Variants in MPDZ observed in about 807,000 individuals in gnomAD.
MPDZ encodes the protein multiple PDZ domain protein.
In MPDZ, 234 loss-of-function variants were observed where a neutral mutation model predicts 239.1. The observed-to-expected ratio is 0.98, with a 90% CI of 0.88 to 1.09. The LOEUF is 1.09. Ranked by LOEUF, MPDZ falls within the 50% of genes least tolerant of loss-of-function variation. The probability of loss-of-function intolerance (pLI) is 0.00; values close to 1 mark genes in which losing one functional copy is unlikely to be tolerated. For missense variants in MPDZ, 3,175 were observed against 2,510.0 expected (o/e 1.26, Z -5.66); for synonymous variants, 1,048 against 881.3 (o/e 1.19, Z -3.35).
chr9:13,216,696 C>G, intron 10 of MPDZ, 78 bp downstream of exon 10: 2 of 1,118,666 alleles, frequency 1.8e-6, no homozygotes, highest in East Asian at 2.5e-5. Context: ...AACTCTAGCT[C>G]TCAAAACTAA....
intron 14 of MPDZ, among the ~76,000 whole-genome samples, 196 bp from the exon 15 acceptor site, chr9:13,192,491 T>C (rs988821271): frequency 6.6e-6 from 1 of 152,156 alleles, no homozygotes; most frequent in Non-Finnish European, 1.5e-5. Context: ...TTGGAGCTTC[T>C]AAAGCACTCA....
chr9:13,246,924 A>C (rs1966706485), intron 3 of MPDZ, among the ~76,000 whole-genome samples: 1 of 152,224 alleles, frequency 6.6e-6, no homozygotes, highest in Admixed American at 6.5e-5. Context: ...AAGCATAGAA[A>C]TGGTGATTAA....
At chr9:13,133,562 C>G (rs1401220672) in intron 32 of MPDZ, among the ~76,000 whole-genome samples, 1 of 152,076 alleles carries the variant, frequency 6.6e-6, no homozygotes, top group Admixed American at 6.6e-5. Flanking sequence ...CAAGCTGGAC[C>G]CCTGATAAAG....
intron 19 of MPDZ, among the ~76,000 whole-genome samples, chr9:13,179,117 T>C (rs1282634676): frequency 2.0e-5 from 3 of 152,132 alleles, no homozygotes; most frequent in Non-Finnish European, 1.5e-5. Flanking sequence ...GTACAAAGAA[T>C]TGAGGCAAGT....
In MPDZ at chr9:13,136,197, A is replaced by G. The variant is rs574873976; in HGVS notation, c.4293-15T>C. 6.5e-7 allele frequency: 1 copy of G among 1,547,156 alleles called. No individual in the cohort carries two copies. The highest frequency in any genetic ancestry group is 1.1e-5 in the South Asian group (1 of 88,496). The stretch of plus-strand genomic sequence containing the variant: ...CATCTTTATTTCTAAAAGCAAAAAA[A>G]CAACAACCTATTATAACATCATGGT... On this transcript the variant is annotated splice_polypyrimidine_tract_variant and intron_variant, in intron 30 of 46. Coordinates refer to ENST00000319217, the MANE Select transcript of MPDZ (RefSeq NM_001378778.1).
At chr9:13,195,353 A>G (rs945423997) in intron 13 of MPDZ, among the ~76,000 whole-genome samples, 2 of 152,020 alleles carry the variant, frequency 1.3e-5, no homozygotes, top group Non-Finnish European at 2.9e-5. Flanking sequence ...TACTAAGAAC[A>G]CTACTGCTTG....
rs890998271 is a variant in MPDZ, at chr9:13,271,221, A to C, written c.-58+8179T>G. ...TCCAACATTTAAATAAGGGCCTTTA[A>C]ATTTTCTATGTTATGTTTATCAAAA... On this transcript the variant is annotated intron_variant, in intron 1 of 46. Transcript: ENST00000319217. Among the ~76,000 whole-genome samples, 22 of 152,162 alleles carry C rather than the reference A, an allele frequency of 1.4e-4. 3 individuals are homozygous for C. The highest frequency in any genetic ancestry group is 1.2e-3 in the Admixed American group (19 of 15,278).
Position 13,126,497 on chromosome 9 carries a change from C to T in MPDZ, c.4632+19G>A. Reference sequence around the variant, plus strand: ...AAGGATGGGCCTACATTACCATTTACTTTATTTTGGAAAATTACCTTTTCA... The same window carrying T: ...AAGGATGGGCCTACATTACCATTTATTTTATTTTGGAAAATTACCTTTTCA... On this transcript the variant is annotated intron_variant, in intron 34 of 46. Transcript: ENST00000319217. 6.5e-7 allele frequency: 1 copy of T among 1,533,770 alleles called. No homozygotes were observed. The highest frequency in any genetic ancestry group is 1.2e-5 in the South Asian group (1 of 83,344).
intron 3 of MPDZ, among the ~76,000 whole-genome samples, chr9:13,225,708 T>C (rs1960360271): frequency 6.6e-6 from 1 of 152,180 alleles, no homozygotes; most frequent in Non-Finnish European, 1.5e-5. Context: ...CAATACCAAA[T>C]AGCCTAGCTG....
intron 3 of MPDZ, among the ~76,000 whole-genome samples, chr9:13,237,190 C>A (rs1409091033): frequency 6.6e-6 from 1 of 151,944 alleles, no homozygotes; most frequent in Non-Finnish European, 1.5e-5. Context: ...CGCCTGTAAT[C>A]CCAGCACTTT....
At chr9:13,112,267 G>A (rs1435093861) in intron 42 of MPDZ, 121 bp from the exon 43 acceptor site, 15 of 1,015,924 alleles carry the variant, frequency 1.5e-5, no homozygotes, top group Middle Eastern at 2.9e-4. Context: ...GGAAAATGAA[G>A]AAGTGCAAGA....
At chr9:13,231,511 G>C (rs1041494011) in intron 3 of MPDZ, among the ~76,000 whole-genome samples, 1 of 152,012 alleles carries the variant, frequency 6.6e-6, no homozygotes, top group South Asian at 2.1e-4. Context: ...AGGTTGCAGT[G>C]AGCCACTGTA....
chr9:13,250,080 T>C (rs1967529978), intron 2 of MPDZ, among the ~76,000 whole-genome samples: 2 of 152,218 alleles, frequency 1.3e-5, no homozygotes, highest in African/African-American at 2.4e-5. Context: ...TCTCATATGT[T>C]TTTAATTTTT....
At chr9:13,156,159 T>C (rs1415624867) in intron 24 of MPDZ, among the ~76,000 whole-genome samples, 1 of 152,172 alleles carries the variant, frequency 6.6e-6, no homozygotes, top group African/African-American at 2.4e-5. Flanking sequence ...TAGATGACAC[T>C]GAATTTTCCC....
At chr9:13,218,647 G>C (rs1239197730) in intron 8 of MPDZ, among the ~76,000 whole-genome samples, 1 of 151,716 alleles carries the variant, frequency 6.6e-6, no homozygotes, top group Non-Finnish European at 1.5e-5. Flanking sequence ...GAGGAGGTTA[G>C]GATATTAAAA....
chr9:13,141,864 C>T (rs1055534812), intron 27 of MPDZ, among the ~76,000 whole-genome samples: 12 of 152,208 alleles, frequency 7.9e-5, no homozygotes, highest in Admixed American at 7.9e-4. Context: ...GTCTATATGT[C>T]ATTGGACAAA....
chr9:13,214,634 C>A (rs1336448874), intron 10 of MPDZ, among the ~76,000 whole-genome samples: 3 of 151,902 alleles, frequency 2.0e-5, no homozygotes, highest in African/African-American at 7.2e-5. Flanking sequence ...ATATAGATTA[C>A]TTAGGAGAAA....
chr9:13,158,560 G>T (rs945225657), intron 23 of MPDZ, among the ~76,000 whole-genome samples: 2 of 152,090 alleles, frequency 1.3e-5, no homozygotes, highest in Admixed American at 6.6e-5. Context: ...TTTGCCAAGA[G>T]TTTAGTATCT....
intron 10 of MPDZ, among the ~76,000 whole-genome samples, chr9:13,214,504 C>T (rs891499164): frequency 6.6e-6 from 1 of 151,858 alleles, no homozygotes; most frequent in Non-Finnish European, 1.5e-5. Context: ...TGGTAGTGAA[C>T]GCACAACTCT....
Sources: allele counts gnomAD v4.1 joint callset (sites outside exome capture counted in the v4.1 genomes callset), GRCh38; gene constraint gnomAD v4.1.1; transcripts MANE v1.5; gene names NCBI Gene and HGNC (gene_info 2026-07-23, HGNC 2026-07-21).